ZNF440: variants seen among roughly 807,000 people sequenced by gnomAD.
ZNF440 encodes the protein zinc finger protein 440.
Under a neutral mutation model 49.7 loss-of-function variants are expected in ZNF440, and 47 were observed. The ratio of observed to expected loss-of-function variants is 0.95; its 90% CI spans 0.75 to 1.21. The LOEUF is 1.21. Among genes scored for constraint, ZNF440 ranks in the 50% most tolerant of loss-of-function variants. The pLI is 0.00. For synonymous variants in ZNF440, 255 were observed against 237.7 expected (o/e 1.07, Z -0.67); for missense variants, 703 against 715.0 (o/e 0.98, Z 0.19).
chr19:11,815,882 G>A (rs1337868989), intron 1 of ZNF440: 2 of 152,302 alleles, frequency 1.3e-5, no homozygotes, highest in African/African-American at 4.8e-5. Context: ...TGGCAACAGA[G>A]CCAGACTCCA....
Position 11,833,065 on chromosome 19 carries a change from A to C in ZNF440, c.*101A>C. The C allele has an allele frequency of 1.9e-6, 3 of 1,548,190 alleles. No homozygotes were observed. The highest frequency in any genetic ancestry group is 2.3e-5 in the South Asian group (2 of 87,314). On this transcript the variant is annotated 3_prime_UTR_variant, in exon 4 of 4. Transcript: ENST00000304060. Reference sequence around the variant, plus strand: ...ATGAAAAATCTTACACTGGAGAGAAACCCTATGAGTGTAAGCAATGTGGGA... The same window carrying C: ...ATGAAAAATCTTACACTGGAGAGAACCCCTATGAGTGTAAGCAATGTGGGA...
chr19:11,828,343 C>T (rs1040544170), intron 1 of ZNF440, among the ~76,000 whole-genome samples: 4 of 151,956 alleles, frequency 2.6e-5, no homozygotes, highest in African/African-American at 7.3e-5. Flanking sequence ...TGTGCCACCA[C>T]GCCTGGCTAA....
chr19:11,833,163 A>G lies in ZNF440; in HGVS notation c.*199A>G. On this transcript the variant is annotated 3_prime_UTR_variant, in exon 4 of 4. Transcript: ENST00000304060. ...ACTGGAGAGAACCCCTATGAGTGTA[A>G]GCAATTTGGGAAAGCCTTCAGATCT... 1 of 1,313,340 alleles carries G rather than the reference A, an allele frequency of 7.6e-7. No homozygotes were observed. The highest frequency in any genetic ancestry group is 2.3e-5 in the East Asian group (1 of 42,834). The allele number at this position is 1,313,340 out of a possible 1,614,324, so 81.4% of individuals were successfully genotyped here.
At chr19:11,826,460 C>G (rs925268926) in intron 1 of ZNF440, among the ~76,000 whole-genome samples, 1 of 152,096 alleles carries the variant, frequency 6.6e-6, no homozygotes, top group African/African-American at 2.4e-5. Context: ...AATGAGACTA[C>G]TGAATCAGTA....
intron 1 of ZNF440, among the ~76,000 whole-genome samples, chr19:11,822,884 CTTTTT>C (rs908775686): frequency 6.9e-6 from 1 of 143,986 alleles, no homozygotes; most frequent in Non-Finnish European, 1.5e-5. Flanking sequence ...TCACAATTTG[CTTTTT>C]CCATTGGTCT....
At chr19:11,820,419 C>T (rs1001310542) in intron 1 of ZNF440, among the ~76,000 whole-genome samples, 4 of 152,110 alleles carry the variant, frequency 2.6e-5, no homozygotes, top group South Asian at 4.1e-4. Flanking sequence ...GGGGTTTCAC[C>T]GTATTAGTCA....
intron 1 of ZNF440, among the ~76,000 whole-genome samples, chr19:11,815,170 G>A (rs187357457): frequency 6.6e-6 from 1 of 151,776 alleles, no homozygotes; most frequent in Admixed American, 6.6e-5. Context: ...CCAGCTACTC[G>A]GGAGGCTGAG....
At chr19:11,830,107 A>C (rs569766745) in intron 1 of ZNF440, 176 bp from the exon 2 acceptor site, 2 of 1,359,752 alleles carry the variant, frequency 1.5e-6, no homozygotes, top group Admixed American at 2.5e-5. Context: ...TGAAAAAAAA[A>C]ACAAGTTGCT....
At chr19:11,828,168 G>T (rs191666581) in intron 1 of ZNF440, among the ~76,000 whole-genome samples, 3 of 152,152 alleles carry the variant, frequency 2.0e-5, no homozygotes, top group Non-Finnish European at 4.4e-5. Flanking sequence ...TGCCTTTTCT[G>T]CCTCTATTAA....
At chr19:11,824,217 AAG>A (rs1298296130) in intron 1 of ZNF440, among the ~76,000 whole-genome samples, 14 of 151,766 alleles carry the variant, frequency 9.2e-5, no homozygotes, top group African/African-American at 3.1e-4. Context: ...GAAAAGAAAA[AAG>A]AAAAAAATTA....
intron 1 of ZNF440, among the ~76,000 whole-genome samples, chr19:11,829,546 G>A (rs1303589291): frequency 6.6e-6 from 1 of 152,048 alleles, no homozygotes; most frequent in African/African-American, 2.4e-5. Flanking sequence ...CATGACAGGT[G>A]CTACAGACCC....
chr19:11,828,145 A>G (rs1411101506), intron 1 of ZNF440, among the ~76,000 whole-genome samples: 3 of 152,136 alleles, frequency 2.0e-5, no homozygotes, highest in African/African-American at 7.2e-5. Flanking sequence ...TAAATTGGTT[A>G]AGGCTTGTCA....
intron 1 of ZNF440, among the ~76,000 whole-genome samples, chr19:11,822,102 C>T (rs1975807027): frequency 6.6e-6 from 1 of 152,186 alleles, no homozygotes; most frequent in South Asian, 2.1e-4. Flanking sequence ...GGCACTAGTT[C>T]TGTGAAGTCG....
intron 1 of ZNF440, among the ~76,000 whole-genome samples, chr19:11,825,991 T>A (rs1165835222): frequency 6.6e-6 from 1 of 151,940 alleles, no homozygotes; most frequent in Non-Finnish European, 1.5e-5. Flanking sequence ...GATTTTGTAT[T>A]TTTAGTAGAG....
In ZNF440 at chr19:11,833,258, A is replaced by G; in HGVS notation, c.*294A>G. Reference sequence around the variant, plus strand: ...ACCCTGTGAATGTAAGAAATGTAGAAAAGCATTCCATAATTTCTCTTCTTT... The same window carrying G: ...ACCCTGTGAATGTAAGAAATGTAGAGAAGCATTCCATAATTTCTCTTCTTT... On this transcript the variant is annotated 3_prime_UTR_variant, in exon 4 of 4. Transcript: ENST00000304060. The G allele has an allele frequency of 1.3e-6, 1 of 745,034 alleles. No homozygotes were observed. The highest frequency in any genetic ancestry group is 2.1e-6 in the Non-Finnish European group (1 of 465,966). 46.2% of individuals were successfully genotyped at this position (745,034 alleles called of 1,614,324 possible).
chr19:11,826,789 G>A (rs770936835), intron 1 of ZNF440, among the ~76,000 whole-genome samples: 49 of 150,758 alleles, frequency 3.3e-4, no homozygotes, highest in African/African-American at 6.3e-4. Context: ...TCAGACTCCC[G>A]AATAGCTGGG....
chr19:11,826,169 GT>G (rs945350793), intron 1 of ZNF440, among the ~76,000 whole-genome samples: 38 of 152,250 alleles, frequency 2.5e-4, no homozygotes, highest in Admixed American at 2.1e-3. Context: ...TGTTACCATA[GT>G]TTGTTTCTTT....
At position 11,832,459 on chromosome 19, in the gene ZNF440, A is replaced by C. The variant is rs781422567; in HGVS notation, c.1283A>C (p.Glu428Ala). 2.0e-5 allele frequency: 33 copies of C among 1,613,928 alleles called. No individual in the cohort carries two copies. The highest frequency in any genetic ancestry group is 2.6e-5 in the Non-Finnish European group (31 of 1,180,012). The part of the protein sequence containing the change: ...HTGEKPYECK[E>A]CGKAFRYVNN... ...GGAGAGAAACCGTATGAATGTAAGG[A>C]ATGTGGGAAAGCCTTCAGATATGTG... is the stretch of plus-strand genomic sequence containing the variant. The change falls in exon 4 of 4, where the codon GAA (glutamate) becomes GCA (alanine). Residue 428 changes from glutamate (E) to alanine (A), a missense_variant. Transcript: ENST00000304060.
intron 1 of ZNF440, among the ~76,000 whole-genome samples, chr19:11,819,225 T>C (rs151336003): frequency 4.1e-4 from 62 of 152,296 alleles, no homozygotes; most frequent in East Asian, 7.7e-4. Flanking sequence ...CTCAGTCATT[T>C]ACAACATTTT....
Sources: gnomAD v4.1 joint callset for allele counts (sites outside exome capture counted in the v4.1 genomes callset) on GRCh38, gnomAD v4.1.1 for gene constraint, MANE v1.5 for transcripts, NCBI Gene and HGNC (gene_info 2026-07-23, HGNC 2026-07-21) for gene names.